Variants in CASP2 observed in about 807,000 individuals in gnomAD.
The protein encoded by CASP2 is caspase 2.
In CASP2, 38 loss-of-function variants were observed where a neutral mutation model predicts 54.4. The ratio of observed to expected loss-of-function variants is 0.70; its 90% confidence interval spans 0.54 to 0.92. The LOEUF is 0.92. Among genes scored for constraint, CASP2 ranks in the 40% least tolerant of loss-of-function variants. The pLI, the probability that CASP2 is intolerant of heterozygous loss-of-function variation, is 0.00. For missense variants in CASP2, 512 were observed against 579.6 expected, an observed-to-expected ratio of 0.88 and a Z score of 1.20; for synonymous variants, 215 against 216.3, an observed-to-expected ratio of 0.99 and a Z score of 0.05.
intron 9 of CASP2, 122 bp from the exon 10 acceptor site, chr7:143,304,552 C>A: frequency 1.3e-6 from 1 of 792,460 alleles, no homozygotes; most frequent in South Asian, 1.4e-5. Context: ...CCCTCCTAGA[C>A]TTAGATTCTT....
chr7:143,288,915 CCTT>C (rs1206180105), intron 1 of CASP2, among the ~76,000 whole-genome samples: 1 of 152,248 alleles, frequency 6.6e-6, no homozygotes, highest in Non-Finnish European at 1.5e-5. Context: ...ATCGACGAGA[CCTT>C]CTGCAGACCT....
At chr7:143,289,644 T>C in intron 1 of CASP2, 1 of 980,428 alleles carries the variant, frequency 1.0e-6, no homozygotes, top group Non-Finnish European at 1.2e-6. Flanking sequence ...GGAAGAAATC[T>C]GCTGCACCAC....
chr7:143,298,679 G>A (rs1801827675), intron 6 of CASP2: 1 of 152,184 alleles, frequency 6.6e-6, no homozygotes, highest in African/African-American at 2.4e-5. Context: ...CGGACCACCA[G>A]GTTGCCTAAG....
At chr7:143,304,888 C>T (rs548318795) in intron 10 of CASP2, 52 bp from the exon 11 acceptor site, 3 of 1,613,864 alleles carry the variant, frequency 1.9e-6, no homozygotes, top group South Asian at 2.2e-5. Flanking sequence ...GTTTGCTGCT[C>T]TCCTGAAGCC....
chr7:143,302,224 A>G (rs1452921758), intron 8 of CASP2: 3 of 152,222 alleles, frequency 2.0e-5, no homozygotes, highest in African/African-American at 7.2e-5. Context: ...TGTTTCCTTT[A>G]GGCGTCTTTA....
chr7:143,292,894 C>G (rs1221983300), intron 4 of CASP2, among the ~76,000 whole-genome samples, 196 bp downstream of exon 4: 1 of 152,082 alleles, frequency 6.6e-6, no homozygotes, highest in Non-Finnish European at 1.5e-5. Flanking sequence ...GCCTGTAATC[C>G]CAGCTACTCG....
chr7:143,307,090 G>A lies in CASP2; in HGVS notation c.*2019G>A, dbSNP rs1022964249. 8 of 152,094 alleles carry A rather than the reference G, an allele frequency of 5.3e-5. No homozygotes were observed. The highest frequency in any genetic ancestry group is 1.7e-4 in the African/African-American group (7 of 41,398). 9.4% of individuals were successfully genotyped at this position (152,094 alleles called of 1,614,324 possible). A position where few individuals can be genotyped will look rare whatever the true frequency, so the allele number is the denominator to read the frequency against. On this transcript the variant is annotated 3_prime_UTR_variant, in exon 11 of 11. Coordinates refer to ENST00000310447, the MANE Select transcript of CASP2 (RefSeq NM_032982.4). ...TCTTCCTCAAGTCTTGACAATTCCC[G>A]GGCCCTTCAGTCCCTGAGCAGTCTA...
At chr7:143,294,569 C>T (rs1801685988) in intron 5 of CASP2, 28 bp from the exon 6 acceptor site, 1 of 1,606,552 alleles carries the variant, frequency 6.2e-7, no homozygotes, top group East Asian at 2.2e-5. Context: ...TCAAGACGCT[C>T]ATGGTCTAAC....
Position 143,305,343 on chromosome 7 carries a change from A to G in CASP2, c.*272A>G, listed in dbSNP as rs1160110749. ...TGCAGTTGAAGAGCCTGACAAGTGA[A>G]GTTGTAAACACAGTGTGGTTATGGG... On this transcript the variant is annotated 3_prime_UTR_variant, in exon 11 of 11. Transcript: ENST00000310447. 1.8e-6 allele frequency: 1 copy of G among 543,244 alleles called. No homozygotes were observed. The highest frequency in any genetic ancestry group is 1.9e-5 in the African/African-American group (1 of 52,760). The allele number at this position is 543,244 out of a possible 1,614,324, so 33.7% of individuals were successfully genotyped here. A position where few individuals can be genotyped will look rare whatever the true frequency, so the allele number is the denominator to read the frequency against.
chr7:143,292,569 C>T (rs766598055), intron 3 of CASP2, 48 bp from the exon 4 acceptor site: 35 of 1,603,272 alleles, frequency 2.2e-5, no homozygotes, highest in Admixed American at 3.3e-5. Flanking sequence ...GTATTTGGAC[C>T]GGACCACTTC....
In CASP2 at chr7:143,303,860, C is replaced by T. The variant is rs372837731; in HGVS notation, c.1044C>T (p.Ala348=). Residue 348 remains alanine (A), a synonymous_variant, in exon 9 of 11, where the codon GCC becomes GCT. Transcript: ENST00000310447. ...CCCCTGGGTGCGAGGAGAGTGATGCCGGTAAAGAAAAGTTGCCGAAGATGA... is the reference window on the plus strand; with the variant it reads ...CCCCTGGGTGCGAGGAGAGTGATGCTGGTAAAGAAAAGTTGCCGAAGATGA... ...AGSPGCEESD[A]GKEKLPKMRL... 52 of 1,613,622 alleles carry T rather than the reference C, an allele frequency of 3.2e-5. No homozygotes were observed. Among genetic ancestry groups the T allele is most frequent in the Admixed American group, 1.3e-4 (8 of 59,936 alleles).
chr7:143,304,537 G>T, intron 9 of CASP2, 137 bp from the exon 10 acceptor site: 1 of 753,434 alleles, frequency 1.3e-6, no homozygotes, highest in East Asian at 2.5e-5. Flanking sequence ...TAATCCAAAA[G>T]AGTACCCTCC....
intron 4 of CASP2, among the ~76,000 whole-genome samples, chr7:143,293,529 T>G (rs1815163): frequency 6.6e-6 from 1 of 150,954 alleles, no homozygotes; most frequent in South Asian, 2.1e-4. Flanking sequence ...TTTTTTCTTG[T>G]GATGGAGTCT....
chr7:143,303,745 A>C (rs1303121196), intron 8 of CASP2, 39 bp from the exon 9 acceptor site: 1 of 1,603,350 alleles, frequency 6.2e-7, no homozygotes. Context: ...AGATAGGAAG[A>C]AGTAACATCA....
chr7:143,293,740 C>T (rs564465087), intron 4 of CASP2, among the ~76,000 whole-genome samples: 17 of 151,774 alleles, frequency 1.1e-4, no homozygotes, highest in South Asian at 8.3e-4. Context: ...CTGCCTGCCT[C>T]GGCCTCCCAA....
At chr7:143,293,279 C>T in intron 4 of CASP2, 1 of 481,780 alleles carries the variant, frequency 2.1e-6, no homozygotes, top group Non-Finnish European at 3.7e-6. Context: ...AGGTGCATGC[C>T]ACCACACCTA....
intron 6 of CASP2, among the ~76,000 whole-genome samples, chr7:143,299,408 A>C (rs1801849398): frequency 6.6e-6 from 1 of 152,210 alleles, no homozygotes; most frequent in South Asian, 2.1e-4. Context: ...TTATACAGTC[A>C]TCATCATTAT....
rs1801604206 is a variant in CASP2, at chr7:143,292,461, C to A, written c.387C>A (p.Leu129=). The change falls in exon 3 of 11, where the codon CTC becomes CTA. Residue 129 remains leucine (L), a synonymous_variant. Coordinates refer to ENST00000310447, the MANE Select transcript of CASP2 (RefSeq NM_032982.4). ...LTTLSGLQHV[L]PPLSCDYDLS... ...CCCTTTCTGGGCTTCAGCATGTACTCCCACCGGTATGAAGCTTTAGTAATA... is the reference window on the plus strand; with the variant it reads ...CCCTTTCTGGGCTTCAGCATGTACTACCACCGGTATGAAGCTTTAGTAATA... The A allele has an allele frequency of 1.2e-6, 2 of 1,614,022 alleles. No homozygotes were observed. Among genetic ancestry groups the A allele is most frequent in the East Asian group, 2.2e-5 (1 of 44,866 alleles).
intron 6 of CASP2, chr7:143,298,840 A>C (rs1801832040): frequency 6.6e-6 from 1 of 152,152 alleles, no homozygotes; most frequent in Non-Finnish European, 1.5e-5. Context: ...ACAGGAAAAC[A>C]GTTCTTAAGT....
Sources: allele counts gnomAD v4.1 joint callset (sites outside exome capture counted in the v4.1 genomes callset), GRCh38; gene constraint gnomAD v4.1.1; transcripts MANE v1.5; gene names NCBI Gene and HGNC (gene_info 2026-07-23, HGNC 2026-07-21).